Variants in DAB1 observed in about 807,000 individuals in gnomAD.
DAB1 encodes disabled homolog 1.
In DAB1, 15 loss-of-function variants were observed where a neutral mutation model predicts 64.6. The ratio of observed to expected loss-of-function variants is 0.23; its 90% CI spans 0.16 to 0.36. The LOEUF is 0.36. Among genes scored for constraint, DAB1 ranks in the 10% least tolerant of loss-of-function variants. DAB1 has a pLI of 1.00. For missense variants in DAB1, 596 were observed against 706.7 expected, an observed-to-expected ratio of 0.84 and a Z score of 1.78; for synonymous variants, 235 against 251.9, an observed-to-expected ratio of 0.93 and a Z score of 0.64.
At chr1:57,759,647 G>C (rs536192834) in intron 6 of DAB1, among the ~76,000 whole-genome samples, 41 of 152,266 alleles carry the variant, frequency 2.7e-4, no homozygotes, top group Admixed American at 2.4e-3. Flanking sequence ...TGCCACTGAG[G>C]TGGTTTTCAG....
intron 5 of DAB1, among the ~76,000 whole-genome samples, chr1:58,116,455 G>C (rs1255496427): frequency 6.6e-6 from 1 of 152,190 alleles, no homozygotes; most frequent in Non-Finnish European, 1.5e-5. Flanking sequence ...GGATCTGCTA[G>C]CAAATCCATC....
At chr1:58,075,938 C>G (rs1331025000) in intron 5 of DAB1, among the ~76,000 whole-genome samples, 1 of 151,136 alleles carries the variant, frequency 6.6e-6, no homozygotes. Context: ...TTCTCTCTCT[C>G]TCTCTCACAG....
intron 5 of DAB1, among the ~76,000 whole-genome samples, chr1:58,008,943 T>C (rs1646627465): frequency 6.6e-6 from 1 of 152,172 alleles, no homozygotes; most frequent in Non-Finnish European, 1.5e-5. Context: ...CAAGACTCAC[T>C]ACCATATGTA....
intron 6 of DAB1, among the ~76,000 whole-genome samples, chr1:57,789,286 G>A (rs2101855628): frequency 6.6e-6 from 1 of 152,146 alleles, no homozygotes; most frequent in Admixed American, 6.5e-5. Flanking sequence ...TGGCTTCTTG[G>A]GCCCACGCGA....
At chr1:57,907,887 AT>A (rs1204485737) in intron 5 of DAB1, among the ~76,000 whole-genome samples, 1 of 149,268 alleles carries the variant, frequency 6.7e-6, no homozygotes, top group Non-Finnish European at 1.5e-5. Context: ...ACACATACAC[AT>A]TAATAACATT....
upstream of DAB1, among the ~76,000 whole-genome samples, chr1:57,428,841 CAAAAAA>C (rs55678877): frequency 2.9e-5 from 2 of 69,626 alleles, no homozygotes; most frequent in African/African-American, 4.7e-5. Context: ...TTGTCTTTTA[CAAAAAA>C]AAAAAAAAAA....
chr1:58,077,209 A>G (rs1030268660), intron 5 of DAB1, among the ~76,000 whole-genome samples: 1 of 152,226 alleles, frequency 6.6e-6, no homozygotes, highest in African/African-American at 2.4e-5. Context: ...AAGTACACTC[A>G]TATGCTAATC....
At chr1:57,058,062 C>A (rs1249393160) in intron 9 of DAB1, among the ~76,000 whole-genome samples, 4 of 152,006 alleles carry the variant, frequency 2.6e-5, no homozygotes, top group Admixed American at 6.5e-5. Context: ...AAACAAAAAT[C>A]AAAAATAACC....
intron 1 of DAB1, among the ~76,000 whole-genome samples, chr1:57,346,664 G>A (rs1678130347): frequency 6.6e-6 from 1 of 152,080 alleles, no homozygotes; most frequent in South Asian, 2.1e-4. Context: ...CTGTTCTCTA[G>A]AAGCTGGAAG....
intron 7 of DAB1, among the ~76,000 whole-genome samples, chr1:57,625,408 A>G (rs1645910477): frequency 6.6e-6 from 1 of 152,086 alleles, no homozygotes; most frequent in Admixed American, 6.6e-5. Context: ...TGGGCTAGGC[A>G]CTAGCAGAGG....
At chr1:57,544,294 T>C (rs1353386799) in intron 7 of DAB1, among the ~76,000 whole-genome samples, 4 of 152,206 alleles carry the variant, frequency 2.6e-5, no homozygotes, top group Admixed American at 2.6e-4. Flanking sequence ...ATTTTCATAA[T>C]AGAACTGTAG....
At chr1:58,475,961 T>G (rs1193165338) in intron 3 of DAB1, among the ~76,000 whole-genome samples, 1 of 152,200 alleles carries the variant, frequency 6.6e-6, no homozygotes, top group African/African-American at 2.4e-5. Flanking sequence ...AATCCTTAAG[T>G]AGAACATCCA....
chr1:58,165,522 C>T (rs776943910), intron 4 of DAB1, among the ~76,000 whole-genome samples: 1 of 152,146 alleles, frequency 6.6e-6, no homozygotes, highest in Non-Finnish European at 1.5e-5. Flanking sequence ...AAAAGGGCGG[C>T]GAGCTTCCCA....
intron 5 of DAB1, among the ~76,000 whole-genome samples, chr1:58,025,559 T>G (rs2806400): frequency 0.2 from 29,324 of 146,280 alleles, 3,591 homozygotes; most frequent in East Asian, 0.52. Context: ...TATATATATA[T>G]AGAGAGAGAG....
intron 6 of DAB1, among the ~76,000 whole-genome samples, chr1:57,771,847 C>T (rs1050098242): frequency 6.6e-6 from 1 of 152,038 alleles, no homozygotes; most frequent in African/African-American, 2.4e-5. Flanking sequence ...ATGATTATAC[C>T]TACTATAAGC....
intron 1 of DAB1, among the ~76,000 whole-genome samples, chr1:57,318,966 A>T (rs556538046): frequency 7.2e-5 from 11 of 152,240 alleles, no homozygotes; most frequent in African/African-American, 2.4e-4. Context: ...CTCCATGTCC[A>T]CCTGTTTTGC....
intron 1 of DAB1, among the ~76,000 whole-genome samples, chr1:57,372,725 A>G (rs534113216): frequency 1.3e-5 from 2 of 152,276 alleles, no homozygotes; most frequent in East Asian, 1.9e-4. Flanking sequence ...TACATACACA[A>G]TATGTACAGT....
chr1:58,164,288 T>C (rs984978288), intron 4 of DAB1, among the ~76,000 whole-genome samples: 1 of 151,016 alleles, frequency 6.6e-6, no homozygotes, highest in Admixed American at 6.6e-5. Flanking sequence ...TTACATCACA[T>C]CTCCAAGCAA....
intron 4 of DAB1, among the ~76,000 whole-genome samples, chr1:58,223,325 C>G (rs1170462965): frequency 1.3e-5 from 2 of 152,218 alleles, no homozygotes; most frequent in Non-Finnish European, 2.9e-5. Flanking sequence ...TCAAGTGGCT[C>G]TAGCCATTTC....
Sources: allele counts gnomAD v4.1 joint callset (sites outside exome capture counted in the v4.1 genomes callset), GRCh38; gene constraint gnomAD v4.1.1; transcripts MANE v1.5; gene names NCBI Gene and HGNC (gene_info 2026-07-23, HGNC 2026-07-21).